Variants in PNKD observed in about 807,000 individuals in gnomAD.
PNKD encodes the protein PNKD metallo-beta-lactamase domain containing.
PNKD carries 36 observed loss-of-function variants against 45.3 expected under a neutral mutation model. The ratio of observed to expected loss-of-function variants is 0.80; its 90% CI spans 0.61 to 1.05. PNKD has a LOEUF of 1.05. Among genes scored for constraint, PNKD ranks in the 50% least tolerant of loss-of-function variants. The pLI is 0.00. For missense variants in PNKD, 511 were observed against 506.6 expected, an observed-to-expected ratio of 1.01 and a Z score of -0.08; for synonymous variants, 197 against 210.1, an observed-to-expected ratio of 0.94 and a Z score of 0.54.
chr2:218,279,229 C>T, intron 2 of PNKD: 2 of 1,557,628 alleles, frequency 1.3e-6, no homozygotes, highest in Non-Finnish European at 1.7e-6. Flanking sequence ...CCCACACCCC[C>T]AGCAGGTGAC....
rs1415090247 is a variant in PNKD at position 218,323,372 on chromosome 2, G to T, written c.237-16411G>T. 7.0e-6 allele frequency: 11 copies of T among 1,580,206 alleles called. No homozygotes were observed. The East Asian group carries it at 2.1e-4, about 31-fold the overall frequency. On this transcript the variant is annotated intron_variant, in intron 2 of 9. Transcript: ENST00000273077. Reference sequence around the variant, plus strand: ...TTGTGAGCCCCCGCGGCTGCCGAGCGCGGCGGGGCCTCCGCGGTCTGCTCA... The same window carrying T: ...TTGTGAGCCCCCGCGGCTGCCGAGCTCGGCGGGGCCTCCGCGGTCTGCTCA...
At chr2:218,332,907 C>T (rs533003215) in intron 2 of PNKD, among the ~76,000 whole-genome samples, 1 of 152,288 alleles carries the variant, frequency 6.6e-6, no homozygotes, top group African/African-American at 2.4e-5. Flanking sequence ...TCCCTCCAGC[C>T]CTGCCCAAAG....
chr2:218,294,475 A>T (rs1174873307), intron 2 of PNKD, among the ~76,000 whole-genome samples: 1 of 152,124 alleles, frequency 6.6e-6, no homozygotes, highest in Admixed American at 6.6e-5. Context: ...GAAGGAACAA[A>T]CAGACACCGC....
chr2:218,273,608 G>A (rs765212851), intron 2 of PNKD, among the ~76,000 whole-genome samples: 5 of 151,422 alleles, frequency 3.3e-5, no homozygotes, highest in Non-Finnish European at 7.4e-5. Context: ...AGCCTCCAGA[G>A]TAGCTGGGAT....
intron 2 of PNKD, among the ~76,000 whole-genome samples, chr2:218,301,949 C>T (rs1693283901): frequency 6.6e-6 from 1 of 152,168 alleles, no homozygotes; most frequent in Non-Finnish European, 1.5e-5. Context: ...AGTTTACAGT[C>T]CAGTAGGGAA....
chr2:218,316,474 T>C (rs1166955333), intron 2 of PNKD, among the ~76,000 whole-genome samples: 4 of 152,120 alleles, frequency 2.6e-5, no homozygotes, highest in Non-Finnish European at 1.5e-5. Context: ...TTTCACCTTG[T>C]TGCCCAGGCT....
intron 7 of PNKD, 88 bp from the exon 8 acceptor site, chr2:218,343,412 A>C: frequency 9.6e-7 from 1 of 1,040,602 alleles, no homozygotes; most frequent in Non-Finnish European, 1.5e-6. Context: ...CCAGAGCATT[A>C]CAAGCTGGTT....
At chr2:218,296,588 GGTTACCTA>G (rs1313853113) in intron 2 of PNKD, among the ~76,000 whole-genome samples, 1 of 152,176 alleles carries the variant, frequency 6.6e-6, no homozygotes, top group African/African-American at 2.4e-5. Context: ...ATAGCTGCCT[GGTTACCTA>G]GCATTTAATG....
chr2:218,295,996 C>G (rs1489566446), intron 2 of PNKD, among the ~76,000 whole-genome samples: 2 of 152,046 alleles, frequency 1.3e-5, no homozygotes, highest in African/African-American at 4.8e-5. Flanking sequence ...CAGACATGAG[C>G]ACCACCACGC....
At chr2:218,298,363 C>T (rs369971129) in intron 2 of PNKD, among the ~76,000 whole-genome samples, 111 of 152,262 alleles carry the variant, frequency 7.3e-4, no homozygotes, top group African/African-American at 2.4e-3. Flanking sequence ...CCAGGTGAAT[C>T]GCCAGCCACA....
chr2:218,278,143 C>T (rs1691437386), intron 2 of PNKD: 1 of 681,924 alleles, frequency 1.5e-6, no homozygotes, highest in Non-Finnish European at 2.5e-6. Context: ...TACGCAGGGA[C>T]AACATGGGCC....
At chr2:218,336,213 C>CAAAAAAA (rs60697754) in intron 2 of PNKD, among the ~76,000 whole-genome samples, 5,765 of 91,976 alleles carry the variant, frequency 0.063, 457 homozygotes, top group East Asian at 0.18. Flanking sequence ...GACTCCATCT[C>CAAAAAAA]AAAAAAAAAA....
At chr2:218,325,026 G>A (rs111808201) in intron 2 of PNKD, among the ~76,000 whole-genome samples, 26,200 of 50,280 alleles carry the variant, frequency 0.52, 5,253 homozygotes, top group Middle Eastern at 0.6. Context: ...TTTTTTTTTT[G>A]AGACGGAGTC....
rs1412375306 is a variant in PNKD, at chr2:218,323,126, C to T, written c.237-16657C>T. ...GCTGGAGGTGGTGAGGGGGCGGGTCCAAAGGAGAGGTCAATGGGCGGGGCG... is the reference window on the plus strand; with the variant it reads ...GCTGGAGGTGGTGAGGGGGCGGGTCTAAAGGAGAGGTCAATGGGCGGGGCG... On this transcript the variant is annotated intron_variant, in intron 2 of 9. Transcript: ENST00000273077. The T allele has an allele frequency of 2.3e-6, 3 of 1,281,822 alleles. No individual in the cohort carries two copies. The African/African-American group carries it at 4.7e-5, about 20-fold the overall frequency. The allele number at this position is 1,281,822 out of a possible 1,614,324, so 79.4% of individuals were successfully genotyped here.
chr2:218,299,322 A>G (rs2106250691), intron 2 of PNKD, among the ~76,000 whole-genome samples: 1 of 152,162 alleles, frequency 6.6e-6, no homozygotes. Flanking sequence ...TTGTATTTTT[A>G]GTAGAGATGA....
intron 2 of PNKD, among the ~76,000 whole-genome samples, chr2:218,303,450 G>A (rs563012985): frequency 3.9e-5 from 6 of 152,046 alleles, no homozygotes; most frequent in African/African-American, 7.2e-5. Flanking sequence ...AATGGGTTGA[G>A]GGAATGGAGC....
chr2:218,324,468 G>C (rs1414060040), intron 2 of PNKD, among the ~76,000 whole-genome samples: 2 of 152,228 alleles, frequency 1.3e-5, no homozygotes, highest in Non-Finnish European at 2.9e-5. Context: ...AAGAAATGCA[G>C]ATATAAAGGC....
intron 2 of PNKD, among the ~76,000 whole-genome samples, chr2:218,289,116 G>C (rs1465363484): frequency 1.3e-5 from 2 of 152,250 alleles, no homozygotes; most frequent in Non-Finnish European, 2.9e-5. Context: ...TGCGTGAATA[G>C]GCAGCACCAG....
At chr2:218,344,417 C>A in intron 8 of PNKD, 38 bp from the exon 9 acceptor site, 1 of 1,421,726 alleles carries the variant, frequency 7.0e-7, no homozygotes, top group Non-Finnish European at 9.7e-7. Flanking sequence ...CCACCAATCT[C>A]TCTCTGCTCT....
Sources: gnomAD v4.1 joint callset for allele counts (sites outside exome capture counted in the v4.1 genomes callset) on GRCh38, gnomAD v4.1.1 for gene constraint, MANE v1.5 for transcripts, NCBI Gene and HGNC (gene_info 2026-07-23, HGNC 2026-07-21) for gene names.